The following NSD3 variants were observed in gnomAD, a reference collection of about 807,000 sequenced individuals.
The protein encoded by NSD3 is nuclear receptor binding SET domain protein 3.
Under a neutral mutation model 160.8 loss-of-function variants are expected in NSD3, and 24 were observed. That is an observed-to-expected ratio of 0.15 (90% CI 0.11 to 0.21). The LOEUF (loss-of-function observed/expected upper bound fraction) is 0.21, where lower values mean the gene tolerates loss of function less well. Among genes scored for constraint, NSD3 ranks in the 10% least tolerant of loss-of-function variants. NSD3 has a pLI of 1.00. For synonymous variants in NSD3, 520 were observed against 600.0 expected (o/e 0.87, Z 1.95); for missense variants, 1,157 against 1,735.9 (o/e 0.67, Z 5.93).
At chr8:38,364,439 C>T (rs575754712) in intron 1 of NSD3, among the ~76,000 whole-genome samples, 1 of 152,310 alleles carries the variant, frequency 6.6e-6, no homozygotes, top group Non-Finnish European at 1.5e-5. Flanking sequence ...TAGGGTGTTA[C>T]TGTCATCTCT....
chr8:38,331,811 G>C (rs1810067477), intron 4 of NSD3, among the ~76,000 whole-genome samples: 2 of 152,136 alleles, frequency 1.3e-5, no homozygotes, highest in Admixed American at 1.3e-4. Flanking sequence ...CTGGGTGACA[G>C]AGCAAGACTC....
chr8:38,341,551 A>G (rs892133437), intron 2 of NSD3, among the ~76,000 whole-genome samples: 3 of 152,020 alleles, frequency 2.0e-5, no homozygotes, highest in Admixed American at 6.6e-5. Flanking sequence ...AAAAAAAAAA[A>G]AGAAAAATTA....
At chr8:38,350,493 C>T (rs1385939360) in intron 1 of NSD3, among the ~76,000 whole-genome samples, 4 of 152,212 alleles carry the variant, frequency 2.6e-5, no homozygotes, top group East Asian at 3.9e-4. Context: ...TCTTTTGAGA[C>T]GTATCTGTTC....
At position 38,315,306 on chromosome 8, in the gene NSD3, A is replaced by AAT. The variant is rs1469604859; in HGVS notation, c.2115+108_2115+109dup. On this transcript the variant is annotated intron_variant, in intron 11 of 23. Coordinates refer to ENST00000317025, the MANE Select transcript of NSD3 (RefSeq NM_023034.2). The stretch of plus-strand genomic sequence containing the variant: ...GGTTTTATATCTGTAGCTTTAAAGT[A>AAT]ATATCATAATAATTTGGAAACATAT... 4 of 1,283,448 alleles carry AAT rather than the reference A, an allele frequency of 3.1e-6. No individual in the cohort carries two copies. In the Admixed American group the frequency reaches 1.1e-4, roughly 35 times the overall value. 79.5% of individuals were successfully genotyped at this position (1,283,448 alleles called of 1,614,324 possible).
At chr8:38,283,261 A>C (rs1585853099) in intron 19 of NSD3, among the ~76,000 whole-genome samples, 1 of 152,210 alleles carries the variant, frequency 6.6e-6, no homozygotes. Flanking sequence ...TCACCTCAAA[A>C]GCACTGCTCA....
At chr8:38,281,807 A>G (rs1057276961) in intron 19 of NSD3, among the ~76,000 whole-genome samples, 3 of 152,174 alleles carry the variant, frequency 2.0e-5, no homozygotes, top group East Asian at 1.9e-4. Context: ...TGACAATACT[A>G]TTTTTATAGT....
At chr8:38,331,299 C>G in intron 5 of NSD3, 132 bp downstream of exon 5, 1 of 1,064,152 alleles carries the variant, frequency 9.4e-7, no homozygotes, top group Non-Finnish European at 1.3e-6. Context: ...TTTACCATTA[C>G]GATTAAAACA....
At chr8:38,308,230 C>A (rs117360197) in intron 12 of NSD3, among the ~76,000 whole-genome samples, 2 of 152,052 alleles carry the variant, frequency 1.3e-5, no homozygotes, top group Non-Finnish European at 2.9e-5. Context: ...TATAAAAGTT[C>A]TTTAAAATGA....
In NSD3 at chr8:38,277,510, C is replaced by G. The variant is rs567033450; in HGVS notation, c.3867+796G>C. On this transcript the variant is annotated intron_variant, in intron 22 of 23. Coordinates refer to ENST00000317025, the MANE Select transcript of NSD3 (RefSeq NM_023034.2). ...TCAGGCTGGTCTTAAAACTCCTGAC[C>G]TTGTGATCCACCGGCCTCAGCCTCC... 1.9e-3 allele frequency among the ~76,000 whole-genome samples: 295 copies of G among 152,192 alleles called. 1 individual carries two copies. Among genetic ancestry groups the G allele is most frequent in the Non-Finnish European group, 3.6e-3 (243 of 68,008 alleles).
At chr8:38,294,889 A>G (rs1176867867) in intron 16 of NSD3, among the ~76,000 whole-genome samples, 2 of 151,934 alleles carry the variant, frequency 1.3e-5, no homozygotes, top group Non-Finnish European at 2.9e-5. Context: ...CACACCTGCA[A>G]TCCCAGCACT....
chr8:38,372,964 C>T (rs1259809993), intron 1 of NSD3, among the ~76,000 whole-genome samples: 2 of 149,772 alleles, frequency 1.3e-5, no homozygotes. Flanking sequence ...GCAGGCGAAT[C>T]GCTTGAACCC....
Position 38,271,759 on chromosome 8 carries a change from CCT to C in NSD3, c.*3880_*3881del, listed in dbSNP as rs1808489896. On this transcript the variant is annotated 3_prime_UTR_variant, in exon 24 of 24. Coordinates refer to ENST00000317025, the MANE Select transcript of NSD3 (RefSeq NM_023034.2). Reference sequence around the variant, plus strand: ...CAGAAATAAAGCAACTTTCCAATGTCCTTTTTCTCATATGGAAGTATAGAATG... The same window carrying C: ...CAGAAATAAAGCAACTTTCCAATGTCTTTTCTCATATGGAAGTATAGAATG... The C allele has an allele frequency of 6.6e-6, 1 of 152,188 alleles. No individual in the cohort carries two copies. The highest frequency in any genetic ancestry group is 2.1e-4 in the South Asian group (1 of 4,828). The allele number at this position is 152,188 out of a possible 1,614,324, so 9.4% of individuals were successfully genotyped here. A position where few individuals can be genotyped will look rare whatever the true frequency, so the allele number is the denominator to read the frequency against.
intron 14 of NSD3, chr8:38,303,386 A>G: frequency 1.0e-6 from 1 of 985,466 alleles, no homozygotes; most frequent in Non-Finnish European, 1.2e-6. Flanking sequence ...AGAGCAGGAT[A>G]CATTTGACAC....
chr8:38,304,189 C>T (rs1224093240), intron 14 of NSD3, among the ~76,000 whole-genome samples: 1 of 152,118 alleles, frequency 6.6e-6, no homozygotes, highest in East Asian at 1.9e-4. Context: ...GTTTTGCCTT[C>T]CAAGTGAAAT....
intron 1 of NSD3, 45 bp from the exon 2 acceptor site, chr8:38,348,260 A>C (rs1401682011): frequency 8.5e-6 from 12 of 1,410,658 alleles, no homozygotes; most frequent in Non-Finnish European, 9.5e-7. Context: ...CTATTCTCAT[A>C]GGCTAGAGGC....
intron 4 of NSD3, among the ~76,000 whole-genome samples, chr8:38,336,856 C>G (rs573211929): frequency 1.1e-4 from 16 of 152,260 alleles, no homozygotes; most frequent in African/African-American, 3.9e-4. Flanking sequence ...AAAACTGATA[C>G]AGAGGCCGGG....
intron 4 of NSD3, among the ~76,000 whole-genome samples, chr8:38,336,494 G>A (rs184757909): frequency 1.3e-5 from 2 of 152,186 alleles, no homozygotes; most frequent in Admixed American, 6.6e-5. Context: ...TAAATTTACC[G>A]ATTCAAGAAT....
intron 2 of NSD3, among the ~76,000 whole-genome samples, chr8:38,343,396 G>C (rs1032831854): frequency 2.0e-5 from 3 of 151,936 alleles, no homozygotes; most frequent in African/African-American, 4.8e-5. Flanking sequence ...ACTTAAGTTT[G>C]TAACCTTAAA....
intron 1 of NSD3, among the ~76,000 whole-genome samples, chr8:38,353,557 C>A (rs1250934771): frequency 6.6e-6 from 1 of 152,056 alleles, no homozygotes; most frequent in South Asian, 2.1e-4. Context: ...ATTTCTGATG[C>A]TTTTGATTGA....
Sources: allele counts gnomAD v4.1 joint callset (sites outside exome capture counted in the v4.1 genomes callset), GRCh38; gene constraint gnomAD v4.1.1; transcripts MANE v1.5; gene names NCBI Gene and HGNC (gene_info 2026-07-23, HGNC 2026-07-21).